PCDHGB2: variants seen among roughly 807,000 people sequenced by gnomAD.
The protein encoded by PCDHGB2 is protocadherin gamma subfamily B, 2.
A neutral mutation model predicts 59.3 loss-of-function variants in PCDHGB2; 55 were observed. The observed-to-expected ratio is 0.93, with a 90% CI of 0.75 to 1.16. The LOEUF (loss-of-function observed/expected upper bound fraction) is 1.16, where lower values mean the gene tolerates loss of function less well. Ranked by LOEUF, PCDHGB2 falls within the 50% of genes most tolerant of loss-of-function variation. The probability of loss-of-function intolerance (pLI) is 0.00; values close to 1 mark genes in which losing one functional copy is unlikely to be tolerated. For synonymous variants in PCDHGB2, 516 were observed against 512.0 expected (o/e 1.01, Z -0.11); for missense variants, 1,228 against 1,198.5 (o/e 1.02, Z -0.36).
chr5:141,389,832 C>G (rs758113562), intron 1 of PCDHGB2: 1 of 1,613,966 alleles, frequency 6.2e-7, no homozygotes, highest in Admixed American at 1.7e-5. Context: ...CGGTGGACAG[C>G]CACCACTCTC....
rs1461617825 is a variant in PCDHGB2, at chr5:141,431,902, G to A, written c.2422-62905G>A. On this transcript the variant is annotated intron_variant, in intron 1 of 3. Coordinates refer to ENST00000522605, the MANE Select transcript of PCDHGB2 (RefSeq NM_018923.3). This position sits in a 1 kb window ranked among gnomAD's most constrained non-coding sequence, Gnocchi z 4.8. ...ACCAAGATTCTGAGGAAAACGGACA[G>A]GTGATCTGTTTCATCCAAGGAAATC... 1.2e-6 allele frequency: 2 copies of A among 1,613,764 alleles called. No homozygotes were observed. The highest frequency in any genetic ancestry group is 1.3e-5 in the African/African-American group (1 of 74,918).
chr5:141,397,910 C>T lies in PCDHGB2; in HGVS notation c.2421+35354C>T. 5 of 680,806 alleles carry T rather than the reference C, an allele frequency of 7.3e-6. No individual in the cohort carries two copies. The South Asian group carries it at 8.1e-5, about 11-fold the overall frequency. 42.2% of individuals were successfully genotyped at this position (680,806 alleles called of 1,614,324 possible). On this transcript the variant is annotated intron_variant, in intron 1 of 3. Transcript: ENST00000522605. ...TGGCCAAAGTGCAGAGCTTGGCGCT[C>T]CAGATCTCCTCGCGCAGCCGCAGCG...
chr5:141,435,073 G>A (rs535689336), intron 1 of PCDHGB2, among the ~76,000 whole-genome samples: 150 of 151,756 alleles, frequency 9.9e-4, no homozygotes, highest in Middle Eastern at 3.4e-3. Flanking sequence ...TGTGTAGACC[G>A]TCTGATAACA....
In PCDHGB2 at chr5:141,413,886, C is replaced by T. The variant is rs916273509; in HGVS notation, c.2421+51330C>T. The T allele has an allele frequency of 8.7e-6, 14 of 1,613,202 alleles. No homozygotes were observed. The African/African-American group carries it at 1.7e-4, about 20-fold the overall frequency. On this transcript the variant is annotated intron_variant, in intron 1 of 3. Transcript: ENST00000522605. ...CTGTCCTTGTCAGTGTGACTGTCTT[C>T]GATGCAAATGACAACGCGCCGGTCT...
intron 3 of PCDHGB2, among the ~76,000 whole-genome samples, chr5:141,509,807 C>T (rs369661041): frequency 2.0e-5 from 3 of 152,104 alleles, no homozygotes; most frequent in Non-Finnish European, 4.4e-5. Context: ...TTCATAGAGC[C>T]GAGCTCTTCT....
chr5:141,490,321 G>C lies in PCDHGB2; in HGVS notation c.2422-4486G>C. On this transcript the variant is annotated intron_variant, in intron 1 of 3. Coordinates refer to ENST00000522605, the MANE Select transcript of PCDHGB2 (RefSeq NM_018923.3). The surrounding 1 kb of genome is among the most constrained non-coding windows in gnomAD (Gnocchi z 5.4). ...GGCCTCTTTGGCCAACCCTGTCCTA[G>C]AGAGCACACCAGTGGGCACAGTAGT... 1.2e-6 allele frequency: 2 copies of C among 1,614,220 alleles called. No homozygotes were observed. The highest frequency in any genetic ancestry group is 1.7e-6 in the Non-Finnish European group (2 of 1,180,044).
chr5:141,475,749 A>G (rs1039777629), intron 1 of PCDHGB2, among the ~76,000 whole-genome samples: 13 of 152,278 alleles, frequency 8.5e-5, no homozygotes, highest in Admixed American at 6.5e-5. Context: ...TAGGTTTCCT[A>G]TGCACCGATA....
chr5:141,470,016 C>T (rs116065751), intron 1 of PCDHGB2, among the ~76,000 whole-genome samples: 69 of 152,264 alleles, frequency 4.5e-4, no homozygotes, highest in Non-Finnish European at 7.2e-4. Flanking sequence ...GTAATCCCAG[C>T]TACTCGGGAT....
intron 1 of PCDHGB2, chr5:141,433,179 T>C (rs760574214): frequency 1.2e-5 from 20 of 1,608,614 alleles, no homozygotes; most frequent in Admixed American, 1.7e-5. Flanking sequence ...CATGGGTTAA[T>C]TGAGGTGAGT....
rs758439978 is a variant in PCDHGB2 at position 141,415,219 on chromosome 5, T to C, written c.2421+52663T>C. ...CCAAGTCCTGGCGGACCTCGGCAGC[T>C]TCGAGTCTCCAGCTAACTCTGAAAC... On this transcript the variant is annotated intron_variant, in intron 1 of 3. Coordinates refer to ENST00000522605, the MANE Select transcript of PCDHGB2 (RefSeq NM_018923.3). 42 of 1,613,954 alleles carry C rather than the reference T, an allele frequency of 2.6e-5. No individual in the cohort carries two copies. Among genetic ancestry groups the C allele is most frequent in the South Asian group, 9.9e-5 (9 of 91,088 alleles).
chr5:141,487,516 G>A lies in PCDHGB2; in HGVS notation c.2422-7291G>A, dbSNP rs2099648095. On this transcript the variant is annotated intron_variant, in intron 1 of 3. Coordinates refer to ENST00000522605, the MANE Select transcript of PCDHGB2 (RefSeq NM_018923.3). The surrounding 1 kb of genome is among the most constrained non-coding windows in gnomAD (Gnocchi z 5.0). ...CACCCTTGGCTTCTGCACCCACTCG[G>A]AGTGATAGCTTCATGATGGTGAAGT... 6.2e-7 allele frequency: 1 copy of A among 1,614,078 alleles called. No individual in the cohort carries two copies. The highest frequency in any genetic ancestry group is 1.7e-5 in the Admixed American group (1 of 60,010).
At chr5:141,380,758 T>C (rs1382076690) in intron 1 of PCDHGB2, among the ~76,000 whole-genome samples, 1 of 152,222 alleles carries the variant, frequency 6.6e-6, no homozygotes, top group Non-Finnish European at 1.5e-5. Flanking sequence ...CAAGACACTA[T>C]AAATTAATTG....
chr5:141,508,901 C>T (rs1466455227), intron 3 of PCDHGB2, among the ~76,000 whole-genome samples: 1 of 151,946 alleles, frequency 6.6e-6, no homozygotes, highest in South Asian at 2.1e-4. Flanking sequence ...GGGGGCGGGG[C>T]GGTGGCGGAT....
intron 1 of PCDHGB2, chr5:141,404,202 AAT>A: frequency 6.2e-7 from 1 of 1,613,738 alleles, no homozygotes; most frequent in Non-Finnish European, 8.5e-7. Context: ...AAAGCCTCAG[AAT>A]ATAATATCAC....
At chr5:141,437,187 G>A (rs1055878763) in intron 1 of PCDHGB2, among the ~76,000 whole-genome samples, 1 of 152,148 alleles carries the variant, frequency 6.6e-6, no homozygotes, top group Non-Finnish European at 1.5e-5. Context: ...ACTGGGCAAT[G>A]GGTTTGGATG....
rs1452697214 is a variant in PCDHGB2, at chr5:141,476,552, G to A, written c.2422-18255G>A. ...CCAGGAAATGAAATTGGAGATTAGCGAGGCCGTGGCTCCGGGGACGCGCTT... is the reference window on the plus strand; with the variant it reads ...CCAGGAAATGAAATTGGAGATTAGCAAGGCCGTGGCTCCGGGGACGCGCTT... On this transcript the variant is annotated intron_variant, in intron 1 of 3. Transcript: ENST00000522605. The surrounding 1 kb of genome is among the most constrained non-coding windows in gnomAD (Gnocchi z 7.6). 1 of 1,614,210 alleles carries A rather than the reference G, an allele frequency of 6.2e-7. No homozygotes were observed. Among genetic ancestry groups the A allele is most frequent in the Non-Finnish European group, 8.5e-7 (1 of 1,180,032 alleles).
chr5:141,509,811 C>T (rs1321920000), intron 3 of PCDHGB2, among the ~76,000 whole-genome samples: 1 of 152,168 alleles, frequency 6.6e-6, no homozygotes, highest in African/African-American at 2.4e-5. Flanking sequence ...TAGAGCCGAG[C>T]TCTTCTCCAT....
intron 1 of PCDHGB2, chr5:141,416,557 T>C (rs1428283225): frequency 3.9e-5 from 6 of 152,112 alleles, no homozygotes; most frequent in Non-Finnish European, 8.8e-5. Flanking sequence ...CCTGAAACTC[T>C]GAAAACTCTG....
chr5:141,431,126 G>A lies in PCDHGB2; in HGVS notation c.2422-63681G>A, dbSNP rs2097344901. The A allele has an allele frequency of 2.5e-6, 4 of 1,614,114 alleles. No individual in the cohort carries two copies. Among genetic ancestry groups the A allele is most frequent in the Non-Finnish European group, 3.4e-6 (4 of 1,180,038 alleles). On this transcript the variant is annotated intron_variant, in intron 1 of 3. Coordinates refer to ENST00000522605, the MANE Select transcript of PCDHGB2 (RefSeq NM_018923.3). The surrounding 1 kb of genome is among the most constrained non-coding windows in gnomAD (Gnocchi z 4.8). ...GAAAATATATGGAGTAGAAGTAGAA[G>A]TAAGGGACATTAACGACAATGCGCC... is the stretch of plus-strand genomic sequence containing the variant.
Sources: allele counts gnomAD v4.1 joint callset (sites outside exome capture counted in the v4.1 genomes callset), GRCh38; gene constraint gnomAD v4.1.1; non-coding constraint Gnocchi (gnomAD v3.1); transcripts MANE v1.5; gene names NCBI Gene and HGNC (gene_info 2026-07-23, HGNC 2026-07-21).